Variants in SH3BGR observed in about 807,000 individuals in gnomAD.
SH3BGR encodes the protein SH3 domain binding glutamate rich protein.
In SH3BGR, 29 loss-of-function variants were observed where a neutral mutation model predicts 24.5. The ratio of observed to expected loss-of-function variants is 1.18; its 90% CI spans 0.88 to 1.61. The LOEUF (loss-of-function observed/expected upper bound fraction) is 1.61, where lower values mean the gene tolerates loss of function less well. SH3BGR is among the 40% of genes most tolerant of loss of function. The pLI is 0.00. For synonymous variants in SH3BGR, 55 were observed against 65.7 expected, an observed-to-expected ratio of 0.84 and a Z score of 0.79; for missense variants, 162 against 205.8, an observed-to-expected ratio of 0.79 and a Z score of 1.30.
chr21:39,475,052 A>C, intron 2 of SH3BGR, 83 bp from the exon 3 acceptor site: 1 of 849,898 alleles, frequency 1.2e-6, no homozygotes, highest in Non-Finnish European at 1.9e-6. Context: ...TTAAGGACTA[A>C]GAAATACAAA....
At chr21:39,500,211 T>C (rs1381077335) in intron 4 of SH3BGR, among the ~76,000 whole-genome samples, 1 of 152,026 alleles carries the variant, frequency 6.6e-6, no homozygotes, top group Non-Finnish European at 1.5e-5. Context: ...GTATGCTCTT[T>C]ATAAACAAGG....
intron 3 of SH3BGR, among the ~76,000 whole-genome samples, chr21:39,498,767 C>T (rs2078440472): frequency 6.6e-6 from 1 of 152,180 alleles, no homozygotes; most frequent in South Asian, 2.1e-4. Flanking sequence ...TCTCTCTATC[C>T]ATCCACCTGT....
intron 6 of SH3BGR, among the ~76,000 whole-genome samples, chr21:39,513,443 A>C (rs1415015669): frequency 6.6e-6 from 1 of 152,226 alleles, no homozygotes; most frequent in Non-Finnish European, 1.5e-5. Flanking sequence ...AAAAAAGCTG[A>C]TATAAAAAGC....
intron 3 of SH3BGR, among the ~76,000 whole-genome samples, chr21:39,478,742 G>T (rs2078068624): frequency 6.6e-6 from 1 of 151,176 alleles, no homozygotes; most frequent in South Asian, 2.1e-4. Context: ...CTGCTTTCTG[G>T]GATATTTTCT....
chr21:39,475,472 T>C (rs559436962), intron 3 of SH3BGR, among the ~76,000 whole-genome samples: 1 of 152,364 alleles, frequency 6.6e-6, no homozygotes, highest in Non-Finnish European at 1.5e-5. Flanking sequence ...TTAGGAAATA[T>C]CATTACTTTG....
chr21:39,467,726 C>A (rs150511971), intron 2 of SH3BGR, among the ~76,000 whole-genome samples: 5 of 152,192 alleles, frequency 3.3e-5, no homozygotes, highest in Non-Finnish European at 7.4e-5. Context: ...ATATGCCATG[C>A]CTGATGATGG....
rs1293135082 is a variant in SH3BGR at position 39,515,100 on chromosome 21, A to G, written c.*47A>G. ...CCTTTTCTTTTAGAAAATGGAAGCT[A>G]TGAAGCAACATTTCAAATGTCTCTC... On this transcript the variant is annotated 3_prime_UTR_variant, in exon 7 of 7. Coordinates refer to ENST00000333634, the MANE Select transcript of SH3BGR (RefSeq NM_007341.3). 3 of 470,236 alleles carry G rather than the reference A, an allele frequency of 6.4e-6. No individual in the cohort carries two copies. The highest frequency in any genetic ancestry group is 1.6e-5 in the South Asian group (1 of 64,118). 29.1% of individuals were successfully genotyped at this position (470,236 alleles called of 1,614,324 possible).
chr21:39,514,583 A>T (rs2078750716), intron 6 of SH3BGR, among the ~76,000 whole-genome samples: 1 of 152,062 alleles, frequency 6.6e-6, no homozygotes, highest in East Asian at 1.9e-4. Flanking sequence ...GCTGGTCTCG[A>T]ACTCTTAGGC....
At chr21:39,450,978 GT>G (rs1244298001), upstream of SH3BGR, among the ~76,000 whole-genome samples, 3 of 150,370 alleles carry the variant, frequency 2.0e-5, no homozygotes, top group Non-Finnish European at 4.4e-5. Flanking sequence ...ATGCCTGGCT[GT>G]TTTTTTTTGT....
chr21:39,511,857 A>G lies in SH3BGR; in HGVS notation c.*34+48A>G. 5 of 1,521,090 alleles carry G rather than the reference A, an allele frequency of 3.3e-6. No individual in the cohort carries two copies. In the South Asian group the frequency reaches 5.2e-5, roughly 16 times the overall value. The allele number at this position is 1,521,090 out of a possible 1,614,324, so 94.2% of individuals were successfully genotyped here. On this transcript the variant is annotated intron_variant, in intron 6 of 6. Coordinates refer to ENST00000333634, the MANE Select transcript of SH3BGR (RefSeq NM_007341.3). This position sits in a 1 kb window ranked among gnomAD's most constrained non-coding sequence, Gnocchi z 4.2. The stretch of plus-strand genomic sequence containing the variant: ...GAAAAGCTGCTAGTTACCGTACTGT[A>G]TGCTATCTGCGGCACATTTTGCTTA...
upstream of SH3BGR, among the ~76,000 whole-genome samples, chr21:39,450,212 T>C (rs2148439265): frequency 6.6e-6 from 1 of 152,338 alleles, no homozygotes; most frequent in South Asian, 2.1e-4. Flanking sequence ...AAAGAAAAAC[T>C]GATCTGTAAT....
intron 3 of SH3BGR, among the ~76,000 whole-genome samples, chr21:39,499,153 CAT>C (rs1467643259): frequency 2.0e-5 from 3 of 151,202 alleles, no homozygotes; most frequent in African/African-American, 7.3e-5. Context: ...TCTCTCTTGA[CAT>C]GTGGGGATTA....
chr21:39,479,563 G>A (rs949972025), intron 3 of SH3BGR, among the ~76,000 whole-genome samples: 1 of 152,100 alleles, frequency 6.6e-6, no homozygotes, highest in Non-Finnish European at 1.5e-5. Flanking sequence ...GGAAGGGAAT[G>A]GAGGGTCTCC....
intron 2 of SH3BGR, among the ~76,000 whole-genome samples, chr21:39,469,149 G>A (rs1386477018): frequency 6.6e-6 from 1 of 151,612 alleles, no homozygotes; most frequent in Non-Finnish European, 1.5e-5. Context: ...AAAAGTAAGA[G>A]GAAGGTACAG....
chr21:39,496,476 C>T (rs1427989585), intron 3 of SH3BGR, among the ~76,000 whole-genome samples: 3 of 143,324 alleles, frequency 2.1e-5, no homozygotes, highest in African/African-American at 7.8e-5. Context: ...GTCCGCAGTC[C>T]GGCCTGGGCG....
intron 2 of SH3BGR, among the ~76,000 whole-genome samples, chr21:39,474,894 T>TGG (rs1276545990): frequency 6.6e-6 from 1 of 151,400 alleles, no homozygotes; most frequent in Non-Finnish European, 1.5e-5. Flanking sequence ...GGTAGGGGTG[T>TGG]GTGTGTGTGT....
intron 4 of SH3BGR, among the ~76,000 whole-genome samples, chr21:39,501,570 A>G (rs1162214152): frequency 6.6e-6 from 1 of 152,216 alleles, no homozygotes; most frequent in Non-Finnish European, 1.5e-5. Context: ...CATATTATCA[A>G]ATTTACTTTT....
Position 39,462,511 on chromosome 21 carries a change from A to G in SH3BGR, c.182A>G (p.Asn61Ser). ...GTTCCTGGAGAGAAAAAACCTCAAA[A>G]TGGGATTCCTTTGCCTCCCCAGATC... is the stretch of plus-strand genomic sequence containing the variant. ...ENVPGEKKPQ[N>S]GIPLPPQIFN... The change falls in exon 2 of 7, where the codon AAT becomes AGT. Residue 61 changes from asparagine (N) to serine (S), a missense_variant. Physicochemically the swap from Asn to Ser is conservative, Grantham distance 46. Transcript: ENST00000333634. The G allele has an allele frequency of 6.2e-7, 1 of 1,606,726 alleles. No individual in the cohort carries two copies. The highest frequency in any genetic ancestry group is 8.5e-7 in the Non-Finnish European group (1 of 1,178,506).
intron 2 of SH3BGR, among the ~76,000 whole-genome samples, chr21:39,462,988 A>T (rs1290819244): frequency 6.6e-6 from 1 of 152,052 alleles, no homozygotes; most frequent in African/African-American, 2.4e-5. Context: ...AGCTCAAGCG[A>T]TCCTCTCACT....
Sources: gnomAD v4.1 joint callset for allele counts (sites outside exome capture counted in the v4.1 genomes callset) on GRCh38, gnomAD v4.1.1 for gene constraint, Gnocchi (gnomAD v3.1) non-coding constraint, MANE v1.5 for transcripts, NCBI Gene and HGNC (gene_info 2026-07-23, HGNC 2026-07-21) for gene names.